MAST4: variants seen among roughly 807,000 people sequenced by gnomAD.
The protein encoded by MAST4 is microtubule associated serine/threonine kinase family member 4.
A neutral mutation model predicts 162.7 loss-of-function variants in MAST4; 89 were observed. That is an observed-to-expected ratio of 0.55 (90% CI 0.46 to 0.65). MAST4 has a LOEUF of 0.65. Ranked by LOEUF, MAST4 falls within the 30% of genes least tolerant of loss-of-function variation. MAST4 has a pLI of 0.00. For missense variants in MAST4, 3,153 were observed against 3,374.0 expected (o/e 0.93, Z 1.62); for synonymous variants, 1,479 against 1,361.1 (o/e 1.09, Z -1.91).
At position 66,781,510 on chromosome 5, in the gene MAST4, C is replaced by T. The variant is rs540096675; in HGVS notation, c.518-7160C>T. Among the ~76,000 whole-genome samples, 206 of 152,316 alleles carry T rather than the reference C, an allele frequency of 1.4e-3. 1 individual carries two copies. The highest frequency in any genetic ancestry group is 4.9e-3 in the African/African-American group (202 of 41,568). On this transcript the variant is annotated intron_variant, in intron 2 of 28. Transcript: ENST00000403625. ...TTTGTTTCTAGTCCCTTAACTTCTG[C>T]AGTGCTACCCCTGTTCTTCCTGCCT... is the stretch of plus-strand genomic sequence containing the variant.
intron 4 of MAST4, among the ~76,000 whole-genome samples, chr5:66,982,161 G>A (rs1339793824): frequency 6.6e-6 from 1 of 152,186 alleles, no homozygotes; most frequent in Admixed American, 6.5e-5. Flanking sequence ...GTCTGCTCCT[G>A]TATAATGGCC....
chr5:67,167,400 G>A lies in MAST4; in HGVS notation c.*349G>A, dbSNP rs555342023. The A allele has an allele frequency of 1.6e-5, 3 of 188,120 alleles. No individual in the cohort carries two copies. Among genetic ancestry groups the A allele is most frequent in the East Asian group, 1.2e-4 (1 of 8,022 alleles). The allele number at this position is 188,120 out of a possible 1,614,324, so 11.7% of individuals were successfully genotyped here. A position where few individuals can be genotyped will look rare whatever the true frequency, so the allele number is the denominator to read the frequency against. On this transcript the variant is annotated 3_prime_UTR_variant, in exon 29 of 29. Coordinates refer to ENST00000403625, the MANE Select transcript of MAST4 (RefSeq NM_001164664.2). ...TCTATACCTGGCTGCTGATTGCGTC[G>A]TTTACTACAGCTTTTTTTAAATAAG...
At chr5:66,957,340 A>G (rs773220042) in intron 4 of MAST4, among the ~76,000 whole-genome samples, 10 of 151,672 alleles carry the variant, frequency 6.6e-5, no homozygotes, top group Non-Finnish European at 1.2e-4. Flanking sequence ...GTGTTCCATT[A>G]TATCTTGTTT....
At chr5:67,053,641 T>G (rs1758447688) in intron 4 of MAST4, among the ~76,000 whole-genome samples, 1 of 152,258 alleles carries the variant, frequency 6.6e-6, no homozygotes, top group South Asian at 2.1e-4. Context: ...TCTTATTCTT[T>G]AAGGCTTTTG....
chr5:66,750,213 A>T (rs1449869214), intron 1 of MAST4, among the ~76,000 whole-genome samples: 1 of 152,154 alleles, frequency 6.6e-6, no homozygotes. Context: ...GACATTGGTG[A>T]TCCCTTTGAA....
At chr5:67,009,968 T>C (rs879839934) in intron 4 of MAST4, among the ~76,000 whole-genome samples, 1 of 152,172 alleles carries the variant, frequency 6.6e-6, no homozygotes, top group Non-Finnish European at 1.5e-5. Context: ...AAATATTCCA[T>C]GATGGCCCTG....
chr5:67,129,001 T>C (rs1391486371), intron 14 of MAST4, among the ~76,000 whole-genome samples: 2 of 152,232 alleles, frequency 1.3e-5, no homozygotes, highest in Non-Finnish European at 2.9e-5. Flanking sequence ...AGACTCCTTC[T>C]GATTCTCTTC....
Position 66,687,803 on chromosome 5 carries a change from T to A in MAST4, c.364-71906T>A, listed in dbSNP as rs528558838. The stretch of plus-strand genomic sequence containing the variant: ...CCAGGAATCTTTTTGATAAAACAAT[T>A]CCTTTTCTTTTGAGTAAATACTCAG... On this transcript the variant is annotated intron_variant, in intron 1 of 28. Coordinates refer to ENST00000403625, the MANE Select transcript of MAST4 (RefSeq NM_001164664.2). 3.3e-5 allele frequency among the ~76,000 whole-genome samples: 5 copies of A among 152,278 alleles called. No homozygotes were observed. The East Asian group carries it at 9.7e-4, about 29-fold the overall frequency.
At chr5:66,648,419 G>A (rs1235689017) in intron 1 of MAST4, among the ~76,000 whole-genome samples, 1 of 152,066 alleles carries the variant, frequency 6.6e-6, no homozygotes, top group Non-Finnish European at 1.5e-5. Flanking sequence ...CCTGTGTTAC[G>A]TCTCTTCCAT....
intron 16 of MAST4, among the ~76,000 whole-genome samples, chr5:67,132,614 A>G (rs2150998523): frequency 6.6e-6 from 1 of 151,964 alleles, no homozygotes; most frequent in South Asian, 2.1e-4. Flanking sequence ...TTGGTGTCTG[A>G]TTTGAGATAC....
chr5:67,087,753 T>C (rs1581510893), intron 5 of MAST4, among the ~76,000 whole-genome samples: 2 of 152,204 alleles, frequency 1.3e-5, no homozygotes, highest in African/African-American at 4.8e-5. Context: ...TGTATACGTA[T>C]ATATATATTT....
At position 67,142,105 on chromosome 5, in the gene MAST4, C is replaced by T. The variant is rs751247623; in HGVS notation, c.2495-10C>T. On this transcript the variant is annotated splice_polypyrimidine_tract_variant and intron_variant, in intron 19 of 28. Transcript: ENST00000403625. ...CACTTTCCTCTCTGTCTCTACCTGC[C>T]CCCTTCCAGGTGGTGCATATGAAGT... 6.2e-7 allele frequency: 1 copy of T among 1,612,850 alleles called. No homozygotes were observed. Among genetic ancestry groups the T allele is most frequent in the Non-Finnish European group, 8.5e-7 (1 of 1,179,022 alleles).
At chr5:67,001,158 T>C (rs1374477878) in intron 4 of MAST4, among the ~76,000 whole-genome samples, 1 of 152,240 alleles carries the variant, frequency 6.6e-6, no homozygotes, top group Admixed American at 6.5e-5. Flanking sequence ...GTCGCAACTA[T>C]AGTTTCTGCC....
At chr5:66,828,898 A>G in intron 3 of MAST4, 1 of 1,580,596 alleles carries the variant, frequency 6.3e-7, no homozygotes, top group Non-Finnish European at 8.6e-7. Context: ...AGACTGCTCC[A>G]TTCTTGACAT....
intron 1 of MAST4, among the ~76,000 whole-genome samples, chr5:66,609,703 T>C (rs1406216461): frequency 1.9e-5 from 2 of 104,612 alleles, no homozygotes; most frequent in African/African-American, 1.4e-4. Flanking sequence ...TTTTTTTTTT[T>C]TGTTTTTTTT....
chr5:66,645,996 G>T (rs1313774979), intron 1 of MAST4, among the ~76,000 whole-genome samples: 1 of 151,980 alleles, frequency 6.6e-6, no homozygotes, highest in Non-Finnish European at 1.5e-5. Flanking sequence ...GTTCTATATT[G>T]CTAAAGTTCT....
At chr5:66,724,046 C>G (rs1164605744) in intron 1 of MAST4, among the ~76,000 whole-genome samples, 1 of 152,052 alleles carries the variant, frequency 6.6e-6, no homozygotes, top group African/African-American at 2.4e-5. Flanking sequence ...AAGTTTGACT[C>G]AAGAATATAA....
chr5:66,955,602 C>T (rs952042880), intron 4 of MAST4, among the ~76,000 whole-genome samples: 4 of 152,136 alleles, frequency 2.6e-5, no homozygotes, highest in African/African-American at 9.7e-5. Flanking sequence ...ACCAAAGCCA[C>T]TTTAATTTTA....
chr5:66,682,800 A>G (rs1748415545), intron 1 of MAST4, among the ~76,000 whole-genome samples: 1 of 152,154 alleles, frequency 6.6e-6, no homozygotes, highest in South Asian at 2.1e-4. Flanking sequence ...CTGACCTCAA[A>G]CTCCTGGGCT....
Sources: gnomAD v4.1 joint callset for allele counts (sites outside exome capture counted in the v4.1 genomes callset) on GRCh38, gnomAD v4.1.1 for gene constraint, MANE v1.5 for transcripts, NCBI Gene and HGNC (gene_info 2026-07-23, HGNC 2026-07-21) for gene names.